Variants in COL8A2 observed in about 807,000 individuals in gnomAD.
COL8A2 encodes the protein collagen alpha-2(VIII) chain.
In COL8A2, 16 loss-of-function variants were observed where a neutral mutation model predicts 24.0. The ratio of observed to expected loss-of-function variants is 0.67; its 90% CI spans 0.45 to 1.01. The LOEUF is 1.01. Ranked by LOEUF, COL8A2 falls within the 50% of genes least tolerant of loss-of-function variation. COL8A2 has a pLI of 0.00. For missense variants in COL8A2, 818 were observed against 942.4 expected, an observed-to-expected ratio of 0.87 and a Z score of 1.73; for synonymous variants, 466 against 424.5, an observed-to-expected ratio of 1.10 and a Z score of -1.20.
intron 1 of COL8A2, among the ~76,000 whole-genome samples, chr1:36,119,413 A>G (rs753307733): frequency 6.6e-6 from 1 of 152,124 alleles, no homozygotes; most frequent in Non-Finnish European, 1.5e-5. Context: ...TCCAAAGATG[A>G]GGACAACCTT....
At chr1:36,106,714 G>GA (rs1296013625) in intron 2 of COL8A2, among the ~76,000 whole-genome samples, 1 of 29,594 alleles carries the variant, frequency 3.4e-5, no homozygotes, top group Non-Finnish European at 8.6e-5. Flanking sequence ...GCAGCAGGGC[G>GA]CCAAGGAACA....
intron 2 of COL8A2, among the ~76,000 whole-genome samples, chr1:36,112,157 C>T (rs564507473): frequency 1.3e-5 from 2 of 152,268 alleles, no homozygotes; most frequent in East Asian, 1.9e-4. Context: ...GCGCCTGCCA[C>T]CACGCCCGGC....
intron 3 of COL8A2, 118 bp from the exon 4 acceptor site, chr1:36,099,605 C>T: frequency 5.1e-6 from 4 of 786,844 alleles, no homozygotes; most frequent in Non-Finnish European, 8.4e-6. Flanking sequence ...GGGGCTGCCC[C>T]TTCCTGCTCT....
intron 2 of COL8A2, among the ~76,000 whole-genome samples, chr1:36,102,184 G>A (rs1165314276): frequency 1.3e-5 from 2 of 152,100 alleles, no homozygotes; most frequent in Non-Finnish European, 2.9e-5. Flanking sequence ...ATATATAAAA[G>A]GAAGGAAGTC....
intron 1 of COL8A2, among the ~76,000 whole-genome samples, chr1:36,118,257 G>A (rs1334663162): frequency 1.3e-5 from 2 of 152,224 alleles, no homozygotes; most frequent in African/African-American, 4.8e-5. Flanking sequence ...GGTGGGATCT[G>A]AACCCAGCTC....
In COL8A2 at chr1:36,100,052, A is replaced by C; in HGVS notation, c.191T>G (p.Leu64Arg). ...CTGTGGGGTGAGGAGGCTCTCACCC[A>C]GGTACTGGCCTTTGCCCTCACGGAA... ...PPFREGKGQY[L>R]EMPLPLLPMD... The change falls in exon 3 of 4, where the codon CTG (leucine) becomes CGG (arginine). Residue 64 changes from leucine (L) to arginine (R), a missense_variant and splice_region_variant. Coordinates refer to ENST00000397799, the MANE Select transcript of COL8A2 (RefSeq NM_005202.4). 1 of 1,611,316 alleles carries C rather than the reference A, an allele frequency of 6.2e-7. No homozygotes were observed. Among genetic ancestry groups the C allele is most frequent in the Non-Finnish European group, 8.5e-7 (1 of 1,177,888 alleles).
chr1:36,097,831 C>T lies in COL8A2; in HGVS notation c.1850G>A (p.Gly617Asp), dbSNP rs1304170819. The change falls in exon 4 of 4, where the codon GGC becomes GAC. Residue 617 changes from glycine (G) to aspartate (D), a missense_variant. Physicochemically the swap from Gly to Asp is moderately conservative, Grantham distance 94. Around this residue, in one of 3 missense-constraint regions of COL8A2, gnomAD observed 235 missense variants for 297.3 expected, o/e 0.79. Transcript: ENST00000397799. ...PATGIFTCPVGGVYYFAYHVH... is the reference protein window; with the variant it reads ...PATGIFTCPVDGVYYFAYHVH... ...ATGGTAAGCAAAGTAGTAGACGCCG[C>T]CCACAGGGCAGGTGAAGATGCCAGT... 6.8e-6 allele frequency: 11 copies of T among 1,613,456 alleles called. No homozygotes were observed. Among genetic ancestry groups the T allele is most frequent in the African/African-American group, 2.7e-5 (2 of 75,060 alleles).
rs1643547711 is a variant in COL8A2 at position 36,095,487 on chromosome 1, G to A, written c.*2082C>T. ...TAGGAATCAATATAAAAATGCACAAGGTAATGTCGTTTTCATAGTTAAAAT... is the reference window on the plus strand; with the variant it reads ...TAGGAATCAATATAAAAATGCACAAAGTAATGTCGTTTTCATAGTTAAAAT... On this transcript the variant is annotated 3_prime_UTR_variant, in exon 4 of 4. Coordinates refer to ENST00000397799, the MANE Select transcript of COL8A2 (RefSeq NM_005202.4). 6.6e-6 allele frequency: 1 copy of A among 152,086 alleles called. No individual in the cohort carries two copies. The highest frequency in any genetic ancestry group is 1.5e-5 in the Non-Finnish European group (1 of 68,024). 9.4% of individuals were successfully genotyped at this position (152,086 alleles called of 1,614,324 possible).
chr1:36,098,295 T>C lies in COL8A2; in HGVS notation c.1386A>G (p.Ser462=), dbSNP rs977324392. The C allele has an allele frequency of 6.5e-7, 1 of 1,547,050 alleles. No homozygotes were observed. The highest frequency in any genetic ancestry group is 8.7e-7 in the Non-Finnish European group (1 of 1,145,962). ...CTGGACCCTGGAGTCCTGGGATTCC[T>C]GAGGGACCCCTCAGGCCAGGCTGCC... ...LPGQPGLRGP[S]GIPGLQGPAG... The change falls in exon 4 of 4, where the codon TCA becomes TCG. Residue 462 remains serine (S), a synonymous_variant. Coordinates refer to ENST00000397799, the MANE Select transcript of COL8A2 (RefSeq NM_005202.4).
Position 36,107,065 on chromosome 1 carries a change from G to A in COL8A2, c.-16-6807C>T, listed in dbSNP as rs185106826. On this transcript the variant is annotated intron_variant, in intron 2 of 3. Transcript: ENST00000397799. ...CAGCGTCCCTGGGCAAGAGGTGCTA[G>A]TTCACAAATGAGGAGACTCAGGGAT... is the stretch of plus-strand genomic sequence containing the variant. Among the ~76,000 whole-genome samples the A allele has an allele frequency of 1.5e-3, 235 of 152,180 alleles. 1 individual carries two copies. Among genetic ancestry groups the A allele is most frequent in the African/African-American group, 5.4e-3 (225 of 41,560 alleles).
Position 36,098,847 on chromosome 1 carries a change from G to T in COL8A2, c.834C>A (p.Asp278Glu), listed in dbSNP as rs746687249. 1 of 1,612,020 alleles carries T rather than the reference G, an allele frequency of 6.2e-7. No homozygotes were observed. The highest frequency in any genetic ancestry group is 8.5e-7 in the Non-Finnish European group (1 of 1,179,630). ...AVGPKGPPGV[D>E]GVGVPGAAGL... ...CTGCTGCCCCTGGGACTCCCACACC[G>T]TCTACTCCAGGAGGTCCTTTTGGGC... Residue 278 changes from aspartate (D) to glutamate (E), a missense_variant, in exon 4 of 4, where the codon GAC becomes GAA. By Grantham distance (45) the Asp-to-Glu change is conservative. Transcript: ENST00000397799.
At chr1:36,121,139 C>T (rs1473162614) in intron 1 of COL8A2, among the ~76,000 whole-genome samples, 1 of 149,692 alleles carries the variant, frequency 6.7e-6, no homozygotes, top group Non-Finnish European at 1.5e-5. Context: ...TCCTATAATC[C>T]TAGCACTTTG....
chr1:36,098,194 C>T lies in COL8A2; in HGVS notation c.1487G>A (p.Arg496Lys), dbSNP rs763868014. The change falls in exon 4 of 4, where the codon AGA becomes AAA. Residue 496 changes from arginine to lysine, a missense_variant. Around this residue, in one of 3 missense-constraint regions of COL8A2, gnomAD observed 235 missense variants for 297.3 expected, o/e 0.79. Coordinates refer to ENST00000397799, the MANE Select transcript of COL8A2 (RefSeq NM_005202.4). ...PGLPGPPGEG[R>K]AGEPGTAGPT... is the part of the protein sequence containing the mutation. The stretch of plus-strand genomic sequence containing the variant: ...CCCAGCCGTGCCAGGTTCCCCTGCT[C>T]TCCCCTCTCCAGGGGGCCCTGGCAG... 2.9e-4 allele frequency: 438 copies of T among 1,535,366 alleles called. No homozygotes were observed. Among genetic ancestry groups the T allele is most frequent in the Non-Finnish European group, 3.7e-4 (422 of 1,142,182 alleles).
chr1:36,105,966 A>AGAG (rs58578252), intron 2 of COL8A2, among the ~76,000 whole-genome samples: 5,961 of 137,158 alleles, frequency 0.043, 457 homozygotes, highest in African/African-American at 0.15. Context: ...AAAAAAAAAA[A>AGAG]AGAGAGAGAG....
chr1:36,107,006 A>C (rs1643771302), intron 2 of COL8A2, among the ~76,000 whole-genome samples: 1 of 151,926 alleles, frequency 6.6e-6, no homozygotes, highest in African/African-American at 2.4e-5. Flanking sequence ...GAACTGCCAC[A>C]AGGCTTTACA....
At chr1:36,122,976 G>GA (rs1643925369) in intron 1 of COL8A2, among the ~76,000 whole-genome samples, 1 of 151,640 alleles carries the variant, frequency 6.6e-6, no homozygotes, top group Non-Finnish European at 1.5e-5. Context: ...CCTCAGCCAG[G>GA]AACACCCTCC....
chr1:36,124,888 G>T (rs944157515), intron 1 of COL8A2, among the ~76,000 whole-genome samples, 169 bp downstream of exon 1: 10 of 152,030 alleles, frequency 6.6e-5, no homozygotes, highest in African/African-American at 2.4e-4. Context: ...AACGGGATGG[G>T]CTCCCCCATT....
chr1:36,113,230 C>T (rs1028848521), intron 2 of COL8A2, among the ~76,000 whole-genome samples: 1 of 152,326 alleles, frequency 6.6e-6, no homozygotes, highest in Non-Finnish European at 1.5e-5. Flanking sequence ...TGTCACTGAA[C>T]CCAGGCCTTT....
At position 36,097,539 on chromosome 1, in the gene COL8A2, A is replaced by C. The variant is rs1306995484; in HGVS notation, c.*30T>G. On this transcript the variant is annotated 3_prime_UTR_variant, in exon 4 of 4. Coordinates refer to ENST00000397799, the MANE Select transcript of COL8A2 (RefSeq NM_005202.4). ...GGTCGCTCTACCACTAAAGGGGAGG[A>C]GGCCAGGGCAGCAGGACCCCCCCCG... 1.3e-6 allele frequency: 2 copies of C among 1,518,634 alleles called. No homozygotes were observed. Among genetic ancestry groups the C allele is most frequent in the Non-Finnish European group, 1.8e-6 (2 of 1,108,576 alleles). 94.1% of individuals were successfully genotyped at this position (1,518,634 alleles called of 1,614,324 possible).
Sources: gnomAD v4.1 joint callset for allele counts (sites outside exome capture counted in the v4.1 genomes callset) on GRCh38, gnomAD v4.1.1 for gene constraint, gnomAD v4.1.1 regional missense constraint, MANE v1.5 for transcripts, NCBI Gene and HGNC (gene_info 2026-07-23, HGNC 2026-07-21) for gene names.